EYA1: variants seen among roughly 807,000 people sequenced by gnomAD.
The protein encoded by EYA1 is protein phosphatase EYA1.
A neutral mutation model predicts 82.0 loss-of-function variants in EYA1; 16 were observed. The observed-to-expected ratio is 0.20, with a 90% CI of 0.13 to 0.30. EYA1 has a LOEUF of 0.30. Among genes scored for constraint, EYA1 ranks in the 10% least tolerant of loss-of-function variants. The probability of loss-of-function intolerance (pLI) is 1.00; values close to 1 mark genes in which losing one functional copy is unlikely to be tolerated. For missense variants in EYA1, 633 were observed against 730.7 expected, an observed-to-expected ratio of 0.87 and a Z score of 1.54; for synonymous variants, 261 against 264.4, an observed-to-expected ratio of 0.99 and a Z score of 0.12.
upstream of EYA1, among the ~76,000 whole-genome samples, chr8:71,364,306 A>G (rs1449153703): frequency 6.6e-6 from 1 of 151,956 alleles, no homozygotes. Flanking sequence ...ACGTTTACCC[A>G]TAAATTGTGT....
chr8:71,410,806 A>C (rs1038371509), intron 2 of EYA1, among the ~76,000 whole-genome samples: 1 of 146,690 alleles, frequency 6.8e-6, no homozygotes, highest in African/African-American at 2.5e-5. Flanking sequence ...CATACTGCCC[A>C]AGGTAATTTA....
intron 2 of EYA1, among the ~76,000 whole-genome samples, chr8:71,446,736 C>T (rs1046362440): frequency 6.6e-6 from 1 of 152,184 alleles, no homozygotes; most frequent in Non-Finnish European, 1.5e-5. Flanking sequence ...TCTGGTTGCA[C>T]CTCTGCAACT....
intron 2 of EYA1, among the ~76,000 whole-genome samples, chr8:71,525,054 A>T (rs550965683): frequency 9.2e-5 from 14 of 152,302 alleles, no homozygotes; most frequent in African/African-American, 3.1e-4. Flanking sequence ...GATCCTCATG[A>T]TCATTCTGAG....
At chr8:71,379,557 A>T (rs1214418103) in intron 2 of EYA1, among the ~76,000 whole-genome samples, 1 of 152,182 alleles carries the variant, frequency 6.6e-6, no homozygotes, top group Non-Finnish European at 1.5e-5. Context: ...TGTGCCTGGA[A>T]GCAAGAAGAA....
At position 71,216,830 on chromosome 8, in the gene EYA1, CA is replaced by C; in HGVS notation, c.1221del (p.Asp407GlufsTer25). On this transcript the variant is annotated frameshift_variant, in exon 14 of 18. Coordinates refer to ENST00000340726, the MANE Select transcript of EYA1 (RefSeq NM_000503.6). LOFTEE classifies it high-confidence loss of function. Reference protein sequence around the residue: ...QDLSTYNFGTDGFPAAATSAN... With the variant: ...QDLSTYNFGTXGFPAAATSAN... ...GCACTGGTTGCTGCAGCAGGAAAGC[CA>C]TCTGTTCCAAAGTTATATGTGCTAT... The C allele has an allele frequency of 6.2e-7, 1 of 1,614,124 alleles. No homozygotes were observed. The highest frequency in any genetic ancestry group is 8.5e-7 in the Non-Finnish European group (1 of 1,180,004).
At chr8:71,442,899 T>G (rs1202661203) in intron 2 of EYA1, among the ~76,000 whole-genome samples, 1 of 152,178 alleles carries the variant, frequency 6.6e-6, no homozygotes, top group Non-Finnish European at 1.5e-5. Flanking sequence ...GTATTACAGG[T>G]CACTTTTTAT....
rs1806552825 is a variant in EYA1, at chr8:71,198,713, T to C, written c.*627A>G. On this transcript the variant is annotated 3_prime_UTR_variant, in exon 18 of 18. Coordinates refer to ENST00000340726, the MANE Select transcript of EYA1 (RefSeq NM_000503.6). ...CAATGTGCTAAAATTCAAAGTACTG[T>C]ACTTGCCATGTTGTGAGGCAGAGGC... 2 of 157,824 alleles carry C rather than the reference T, an allele frequency of 1.3e-5. No individual in the cohort carries two copies. Among genetic ancestry groups the C allele is most frequent in the African/African-American group, 4.8e-5 (2 of 41,474 alleles). The allele number at this position is 157,824 out of a possible 1,614,324, so 9.8% of individuals were successfully genotyped here. A position where few individuals can be genotyped will look rare whatever the true frequency, so the allele number is the denominator to read the frequency against.
In EYA1 at chr8:71,271,868, G is replaced by T; in HGVS notation, c.856C>A (p.Pro286Thr). The T allele has an allele frequency of 1.2e-6, 2 of 1,614,202 alleles. No homozygotes were observed. The highest frequency in any genetic ancestry group is 1.7e-6 in the Non-Finnish European group (2 of 1,180,030). Residue 286 changes from proline (P) to threonine (T), a missense_variant, in exon 10 of 18, where the codon CCC becomes ACC. Coordinates refer to ENST00000340726, the MANE Select transcript of EYA1 (RefSeq NM_000503.6). ...EYSTIHSPST[P>T]IKDSDSDRLR... is the part of the protein sequence containing the mutation. ...CGATCAGAATCTGAATCTTTAATGG[G>T]TGTTGATGGGCTGTGGATTGTGCTG...
intron 9 of EYA1, among the ~76,000 whole-genome samples, chr8:71,292,285 G>C (rs1819090584): frequency 6.6e-6 from 1 of 151,914 alleles, no homozygotes; most frequent in South Asian, 2.1e-4. Flanking sequence ...AGCACAAAAG[G>C]AAAACACCTT....
intron 17 of EYA1, among the ~76,000 whole-genome samples, chr8:71,206,237 T>A (rs1051517403): frequency 8.6e-5 from 13 of 151,844 alleles, no homozygotes; most frequent in African/African-American, 3.1e-4. Context: ...TTTTTTTTTT[T>A]AAACAGGGTC....
At chr8:71,379,565 G>A (rs1402816026) in intron 2 of EYA1, among the ~76,000 whole-genome samples, 1 of 152,152 alleles carries the variant, frequency 6.6e-6, no homozygotes, top group African/African-American at 2.4e-5. Flanking sequence ...GAAGCAAGAA[G>A]AAATAGGATG....
intron 2 of EYA1, among the ~76,000 whole-genome samples, chr8:71,424,611 G>T (rs960668293): frequency 6.6e-6 from 1 of 152,166 alleles, no homozygotes; most frequent in Non-Finnish European, 1.5e-5. Flanking sequence ...CAGTAAGATG[G>T]CAAAACTGGT....
At chr8:71,361,042 A>C (rs1036173746) in intron 1 of EYA1, among the ~76,000 whole-genome samples, 2 of 152,212 alleles carry the variant, frequency 1.3e-5, no homozygotes, top group Admixed American at 1.3e-4. Context: ...ATAAGAGAAA[A>C]ATATATTAAT....
intron 2 of EYA1, among the ~76,000 whole-genome samples, chr8:71,502,810 G>A (rs553743701): frequency 6.6e-6 from 1 of 152,028 alleles, no homozygotes; most frequent in Non-Finnish European, 1.5e-5. Flanking sequence ...CTACAATCTT[G>A]CCTCCCTGTA....
intron 16 of EYA1, among the ~76,000 whole-genome samples, chr8:71,211,601 A>G (rs1386997075): frequency 2.6e-5 from 4 of 152,192 alleles, no homozygotes; most frequent in African/African-American, 7.2e-5. Context: ...TTTTCCCCCT[A>G]TATATAAGCT....
In EYA1 at chr8:71,349,813, A is replaced by T. The variant is rs555178931; in HGVS notation, c.124+4969T>A. Among the ~76,000 whole-genome samples the T allele has an allele frequency of 1.2e-4, 18 of 151,894 alleles. No homozygotes were observed. In the East Asian group the frequency reaches 1.5e-3, roughly 13 times the overall value. ...AGCTATGTTGTTGACAATGTTTTAA[A>T]TTTTTTTTTCTAAAGATTAATAAAG... On this transcript the variant is annotated intron_variant, in intron 3 of 17. Transcript: ENST00000340726.
At chr8:71,222,149 C>T (rs928862403) in intron 12 of EYA1, among the ~76,000 whole-genome samples, 5 of 152,100 alleles carry the variant, frequency 3.3e-5, no homozygotes, top group African/African-American at 1.2e-4. Context: ...CTGCCTCATG[C>T]CCCCCAGTTG....
intron 2 of EYA1, among the ~76,000 whole-genome samples, chr8:71,501,715 A>C (rs1202570177): frequency 6.6e-6 from 1 of 152,236 alleles, no homozygotes; most frequent in Non-Finnish European, 1.5e-5. Flanking sequence ...TCGGCTACAC[A>C]AAGTCAGGAT....
chr8:71,372,724 A>T (rs1484734829), intron 2 of EYA1, among the ~76,000 whole-genome samples: 1 of 152,102 alleles, frequency 6.6e-6, no homozygotes, highest in Admixed American at 6.6e-5. Context: ...AGAGCACAGA[A>T]TTGAATTATT....
Sources: allele counts gnomAD v4.1 joint callset (sites outside exome capture counted in the v4.1 genomes callset), GRCh38; gene constraint gnomAD v4.1.1; transcripts MANE v1.5; gene names NCBI Gene and HGNC (gene_info 2026-07-23, HGNC 2026-07-21).